Variants in THADA observed in about 807,000 individuals in gnomAD.
THADA encodes the protein THADA armadillo repeat containing.
A neutral mutation model predicts 219.8 loss-of-function variants in THADA; 213 were observed. The ratio of observed to expected loss-of-function variants is 0.97; its 90% CI spans 0.87 to 1.09. The LOEUF is 1.09. Ranked by LOEUF, THADA falls within the 50% of genes least tolerant of loss-of-function variation. The pLI, the probability that THADA is intolerant of heterozygous loss-of-function variation, is 0.00. For missense variants in THADA, 2,956 were observed against 2,311.3 expected, an observed-to-expected ratio of 1.28 and a Z score of -5.72; for synonymous variants, 1,018 against 828.9, an observed-to-expected ratio of 1.23 and a Z score of -3.92.
intron 29 of THADA, among the ~76,000 whole-genome samples, chr2:43,344,863 T>G (rs897052862): frequency 2.0e-5 from 3 of 152,134 alleles, no homozygotes; most frequent in Non-Finnish European, 2.9e-5. Flanking sequence ...TGTATATGCA[T>G]GTATGCACGT....
intron 34 of THADA, among the ~76,000 whole-genome samples, chr2:43,290,357 G>A (rs1047387747): frequency 1.3e-5 from 2 of 151,888 alleles, no homozygotes; most frequent in Non-Finnish European, 2.9e-5. Flanking sequence ...GACTTTTCTG[G>A]GGGCTTTTTT....
At chr2:43,586,791 T>A in intron 5 of THADA, 57 bp from the exon 6 acceptor site, 1 of 1,610,638 alleles carries the variant, frequency 6.2e-7, no homozygotes, top group Non-Finnish European at 8.5e-7. Context: ...TCAATGTCAT[T>A]TAAAAACTAT....
rs1264542824 is a variant in THADA, at chr2:43,424,166, T to TA, written c.4058+3933dup. The stretch of plus-strand genomic sequence containing the variant: ...TGGCATATATGTTTAGGTATACTCT[T>TA]AAACATGGGATAAAGGAGTAAAACT... On this transcript the variant is annotated intron_variant, in intron 28 of 37. Transcript: ENST00000405975. 4.6e-5 allele frequency among the ~76,000 whole-genome samples: 7 copies of TA among 152,310 alleles called. No individual in the cohort carries two copies. The South Asian group carries it at 1.5e-3, about 32-fold the overall frequency.
At chr2:43,529,535 C>T (rs1693603324) in intron 21 of THADA, among the ~76,000 whole-genome samples, 1 of 152,110 alleles carries the variant, frequency 6.6e-6, no homozygotes, top group African/African-American at 2.4e-5. Context: ...TTAAAGAAAA[C>T]AAAACGGACA....
At chr2:43,271,814 C>T (rs1360799728) in intron 36 of THADA, among the ~76,000 whole-genome samples, 2 of 151,964 alleles carry the variant, frequency 1.3e-5, no homozygotes, top group Non-Finnish European at 1.5e-5. Flanking sequence ...GGGGTTTCAC[C>T]ATGTTGGCCA....
Position 43,277,898 on chromosome 2 carries a change from T to C in THADA, c.5296+1867A>G, listed in dbSNP as rs115535994. ...CCTTATATGCTGAAGGAATGTGAAGTTACCACCAGCACTTGATATCCTTGA... is the reference window on the plus strand; with the variant it reads ...CCTTATATGCTGAAGGAATGTGAAGCTACCACCAGCACTTGATATCCTTGA... On this transcript the variant is annotated intron_variant, in intron 36 of 37. Transcript: ENST00000405975. 6.9e-3 allele frequency among the ~76,000 whole-genome samples: 1,052 copies of C among 152,070 alleles called. 12 individuals are homozygous for C. Among genetic ancestry groups the C allele is most frequent in the African/African-American group, 0.023 (941 of 41,474 alleles).
intron 31 of THADA, among the ~76,000 whole-genome samples, chr2:43,309,378 T>C (rs1677231906): frequency 6.6e-6 from 1 of 152,144 alleles, no homozygotes; most frequent in Non-Finnish European, 1.5e-5. Context: ...ACCGAACACT[T>C]CTATGTGAAT....
rs778711650 is a variant in THADA at position 43,549,221 on chromosome 2, G to A, written c.3095C>T (p.Thr1032Ile). The A allele has an allele frequency of 3.8e-6, 6 of 1,573,484 alleles. No individual in the cohort carries two copies. Among genetic ancestry groups the A allele is most frequent in the Non-Finnish European group, 5.2e-6 (6 of 1,160,424 alleles). The stretch of plus-strand genomic sequence containing the variant: ...TTTATACAAGTTACCTTTGATTTCT[G>A]TAGAAGTATCAATATTCACCACACT... ...NASVVNIDTS[T>I]EIKGKEVKTC... Residue 1032 changes from threonine to isoleucine, a missense_variant, in exon 20 of 38, where the codon ACA becomes ATA. Thr to Ile is a moderately conservative substitution (Grantham distance 89). Coordinates refer to ENST00000405975, the MANE Select transcript of THADA (RefSeq NM_022065.5).
intron 29 of THADA, among the ~76,000 whole-genome samples, chr2:43,348,847 C>CA (rs2104552035): frequency 6.6e-6 from 1 of 151,974 alleles, no homozygotes; most frequent in South Asian, 2.1e-4. Context: ...ATTTATGTCG[C>CA]AAAAAAGAAT....
chr2:43,348,943 T>C (rs555805201), intron 29 of THADA, among the ~76,000 whole-genome samples: 2 of 152,218 alleles, frequency 1.3e-5, no homozygotes, highest in South Asian at 2.1e-4. Flanking sequence ...AATAGGTCCC[T>C]TGGAGAAGGG....
intron 25 of THADA, among the ~76,000 whole-genome samples, chr2:43,495,612 AAT>A (rs1333296536): frequency 6.6e-6 from 1 of 152,140 alleles, no homozygotes; most frequent in Non-Finnish European, 1.5e-5. Context: ...GGTCTCAAAA[AAT>A]AGTCTTTTCA....
At chr2:43,583,801 G>C (rs1436524670) in intron 7 of THADA, among the ~76,000 whole-genome samples, 5 of 152,098 alleles carry the variant, frequency 3.3e-5, no homozygotes, top group Non-Finnish European at 7.4e-5. Context: ...CCAGCACTTT[G>C]GGGGACTGGG....
chr2:43,426,008 A>G (rs1045413648), intron 28 of THADA, among the ~76,000 whole-genome samples: 1 of 152,200 alleles, frequency 6.6e-6, no homozygotes, highest in South Asian at 2.1e-4. Flanking sequence ...TACTTACTGG[A>G]AGAAAGCAAC....
intron 26 of THADA, among the ~76,000 whole-genome samples, chr2:43,448,052 G>A (rs923683373): frequency 6.6e-6 from 1 of 152,108 alleles, no homozygotes; most frequent in African/African-American, 2.4e-5. Context: ...TTAAAGCAAT[G>A]GATTACTTAT....
chr2:43,580,169 T>C (rs919614526), intron 8 of THADA, among the ~76,000 whole-genome samples: 2 of 151,122 alleles, frequency 1.3e-5, no homozygotes, highest in Admixed American at 6.6e-5. Flanking sequence ...GAACTACAGG[T>C]GCACGCCACC....
At chr2:43,373,785 A>G (rs1158785430) in intron 29 of THADA, among the ~76,000 whole-genome samples, 6 of 152,178 alleles carry the variant, frequency 3.9e-5, no homozygotes, top group Admixed American at 1.3e-4. Flanking sequence ...CCCAAGTCTA[A>G]TAAGTATTTA....
intron 28 of THADA, among the ~76,000 whole-genome samples, chr2:43,425,106 T>C (rs570699929): frequency 3.9e-5 from 6 of 152,324 alleles, no homozygotes; most frequent in African/African-American, 1.2e-4. Flanking sequence ...TATTTTGGTA[T>C]AACAGAAAGA....
intron 29 of THADA, among the ~76,000 whole-genome samples, chr2:43,363,532 C>G (rs888013383): frequency 1.3e-5 from 2 of 152,158 alleles, no homozygotes; most frequent in African/African-American, 2.4e-5. Context: ...ATTCAAAAGC[C>G]TTTGAAGTGG....
chr2:43,279,948 G>A, intron 35 of THADA, 52 bp from the exon 36 acceptor site: 1 of 1,442,546 alleles, frequency 6.9e-7, no homozygotes, highest in Non-Finnish European at 9.1e-7. Flanking sequence ...TAACAGGCAG[G>A]TGCAAATACT....
Sources: gnomAD v4.1 joint callset for allele counts (sites outside exome capture counted in the v4.1 genomes callset) on GRCh38, gnomAD v4.1.1 for gene constraint, MANE v1.5 for transcripts, NCBI Gene and HGNC (gene_info 2026-07-23, HGNC 2026-07-21) for gene names.